The following KIF9 variants were observed in gnomAD, a reference collection of about 807,000 sequenced individuals.
The protein encoded by KIF9 is kinesin family member 9.
Under a neutral mutation model 94.8 loss-of-function variants are expected in KIF9, and 68 were observed. The ratio of observed to expected loss-of-function variants is 0.72; its 90% confidence interval spans 0.59 to 0.88. KIF9 has a LOEUF of 0.88. Ranked by LOEUF, KIF9 falls within the 40% of genes least tolerant of loss-of-function variation. The probability of loss-of-function intolerance (pLI) is 0.00; values close to 1 mark genes in which losing one functional copy is unlikely to be tolerated. For synonymous variants in KIF9, 343 were observed against 362.1 expected (o/e 0.95, Z 0.60); for missense variants, 882 against 982.5 (o/e 0.90, Z 1.37).
intron 10 of KIF9, among the ~76,000 whole-genome samples, chr3:47,256,561 G>A (rs562982540): frequency 6.7e-6 from 1 of 150,332 alleles, no homozygotes; most frequent in East Asian, 2.0e-4. Flanking sequence ...CTGTCCGGGA[G>A]GGGAGGGGCG....
chr3:47,255,713 T>G (rs929294591), intron 10 of KIF9, among the ~76,000 whole-genome samples: 1 of 151,270 alleles, frequency 6.6e-6, no homozygotes, highest in Non-Finnish European at 1.5e-5. Flanking sequence ...TTTAAAAAAT[T>G]TTCTTCGCTC....
Position 47,268,838 on chromosome 3 carries a change from G to A in KIF9, c.592-1575C>T, listed in dbSNP as rs899352444. ...GAGCTCAAGCAATCCTCCTGCCTTA[G>A]CCTCCCAAAGTGCTGGGATTACAGG... On this transcript the variant is annotated intron_variant, in intron 5 of 20. Transcript: ENST00000684063. Among the ~76,000 whole-genome samples the A allele has an allele frequency of 3.3e-5, 5 of 152,132 alleles. No homozygotes were observed. The South Asian group carries it at 1.0e-3, about 32-fold the overall frequency.
chr3:47,246,783 C>T (rs1328684314), intron 12 of KIF9, among the ~76,000 whole-genome samples: 2 of 152,106 alleles, frequency 1.3e-5, no homozygotes, highest in Non-Finnish European at 2.9e-5. Context: ...AAGAGTCCAT[C>T]CCTTAGTTGT....
In KIF9 at chr3:47,266,036, C is replaced by G. The variant is rs1701270839; in HGVS notation, c.769-159G>C. ...TCTTTCAATGTCATGCGATTGTATT[C>G]CATCTTGGGCTAATAATGGTAATAC... is the stretch of plus-strand genomic sequence containing the variant. On this transcript the variant is annotated intron_variant, in intron 7 of 20. Transcript: ENST00000684063. 4.5e-6 allele frequency: 3 copies of G among 664,288 alleles called. No homozygotes were observed. In the Admixed American group the frequency reaches 8.7e-5, roughly 19 times the overall value. The allele number at this position is 664,288 out of a possible 1,614,324, so 41.1% of individuals were successfully genotyped here.
At chr3:47,248,436 T>A (rs1419773778) in intron 10 of KIF9, among the ~76,000 whole-genome samples, 1 of 151,348 alleles carries the variant, frequency 6.6e-6, no homozygotes, top group Non-Finnish European at 1.5e-5. Context: ...GCCTACAGAC[T>A]CCAGAATGCT....
At chr3:47,248,214 A>G (rs1412178814) in intron 10 of KIF9, 128 bp from the exon 11 acceptor site, 6 of 729,850 alleles carry the variant, frequency 8.2e-6, no homozygotes, top group Non-Finnish European at 1.4e-5. Context: ...CTGGATCCAC[A>G]GGGTATGCTT....
intron 19 of KIF9, 124 bp downstream of exon 19, chr3:47,235,910 T>C: frequency 1.4e-6 from 1 of 737,610 alleles, no homozygotes; most frequent in South Asian, 1.6e-5. Context: ...CTGCCTGGGC[T>C]GGCTGTGGAG....
Position 47,243,259 on chromosome 3 carries a change from C to T in KIF9, c.1515-14G>A, listed in dbSNP as rs183989663. 6 of 1,601,352 alleles carry T rather than the reference C, an allele frequency of 3.7e-6. No individual in the cohort carries two copies. Among genetic ancestry groups the T allele is most frequent in the East Asian group, 2.2e-5 (1 of 44,640 alleles). On this transcript the variant is annotated splice_polypyrimidine_tract_variant and intron_variant, in intron 15 of 20. Coordinates refer to ENST00000684063, the MANE Select transcript of KIF9 (RefSeq NM_182902.4). Reference sequence around the variant, plus strand: ...CTTGCCAAGGAGCTGGAAGAAGGCACGGAAGCCCCAGGGTTCAGTCATGGA... The same window carrying T: ...CTTGCCAAGGAGCTGGAAGAAGGCATGGAAGCCCCAGGGTTCAGTCATGGA...
At chr3:47,240,206 C>A (rs1161280097) in intron 17 of KIF9, 2 of 236,320 alleles carry the variant, frequency 8.5e-6, no homozygotes, top group African/African-American at 4.5e-5. Context: ...TGAGCACCCT[C>A]CCCACGTTGG....
chr3:47,262,405 G>A (rs961078079), intron 9 of KIF9, among the ~76,000 whole-genome samples: 2 of 151,936 alleles, frequency 1.3e-5, no homozygotes, highest in African/African-American at 4.8e-5. Flanking sequence ...AAGTAGCTGG[G>A]ATTACAGGCG....
chr3:47,240,018 T>G, intron 17 of KIF9: 1 of 1,079,740 alleles, frequency 9.3e-7, no homozygotes, highest in Non-Finnish European at 1.3e-6. Context: ...ATGCAGGTCC[T>G]GGGCCCTGCT....
At position 47,253,865 on chromosome 3, in the gene KIF9, A is replaced by G. The variant is rs567444935; in HGVS notation, c.1059+3618T>C. Among the ~76,000 whole-genome samples the G allele has an allele frequency of 2.6e-5, 4 of 152,368 alleles. No individual in the cohort carries two copies. The East Asian group carries it at 7.7e-4, about 29-fold the overall frequency. The stretch of plus-strand genomic sequence containing the variant: ...GAGTCACTATTTAATCCTTATTACA[A>G]TAAGTCTATAAAGAGACTTATAGAC... On this transcript the variant is annotated intron_variant, in intron 10 of 20. Coordinates refer to ENST00000684063, the MANE Select transcript of KIF9 (RefSeq NM_182902.4).
intron 18 of KIF9, 37 bp from the exon 19 acceptor site, chr3:47,236,186 G>A (rs549743218): frequency 3.0e-5 from 43 of 1,452,792 alleles, no homozygotes; most frequent in African/African-American, 1.3e-4. Context: ...TGAGGAAGCC[G>A]GTAAGGGCTG....
At chr3:47,231,358 TG>T (rs1698562237) in intron 20 of KIF9, among the ~76,000 whole-genome samples, 1 of 149,164 alleles carries the variant, frequency 6.7e-6, no homozygotes, top group Non-Finnish European at 1.5e-5. Context: ...GGACATCATC[TG>T]GGAGTTTATT....
At chr3:47,278,140 T>C (rs183008929) in intron 1 of KIF9, among the ~76,000 whole-genome samples, 170 of 152,172 alleles carry the variant, frequency 1.1e-3, no homozygotes, top group African/African-American at 3.7e-3. Flanking sequence ...GGTGCTATCA[T>C]GGCTCAATGC....
In KIF9 at chr3:47,241,635, A is replaced by AT. The variant is rs1182796328; in HGVS notation, c.1710-621dup. 2.9e-5 allele frequency among the ~76,000 whole-genome samples: 4 copies of AT among 137,028 alleles called. No homozygotes were observed. In the East Asian group the frequency reaches 8.6e-4, roughly 30 times the overall value. The allele number at this position is 137,028 out of a possible 152,430, so 89.9% of individuals were successfully genotyped here. A position where few individuals can be genotyped will look rare whatever the true frequency, so the allele number is the denominator to read the frequency against. On this transcript the variant is annotated intron_variant, in intron 16 of 20. Coordinates refer to ENST00000684063, the MANE Select transcript of KIF9 (RefSeq NM_182902.4). Reference sequence around the variant, plus strand: ...CTGTGCCTGGCCCTGGATTTCATATATGTGTGTGTGTGTGTATATATATAT... The same window carrying AT: ...CTGTGCCTGGCCCTGGATTTCATATATTGTGTGTGTGTGTGTATATATATAT...
chr3:47,277,330 G>A lies in KIF9; in HGVS notation c.45C>T (p.Pro15=), dbSNP rs1559472311. 1.2e-6 allele frequency: 2 copies of A among 1,613,874 alleles called. No individual in the cohort carries two copies. Among genetic ancestry groups the A allele is most frequent in the African/African-American group, 1.3e-5 (1 of 74,896 alleles). The change falls in exon 2 of 21, where the codon CCC becomes CCT. Residue 15 remains proline, a synonymous_variant. Coordinates refer to ENST00000684063, the MANE Select transcript of KIF9 (RefSeq NM_182902.4). ...KKVHAFVRVK[P]TDDFAHEMIR... ...TCATTTCATGAGCAAAGTCATCGGT[G>A]GGTTTGACACGGACAAATGCATGAA... is the stretch of plus-strand genomic sequence containing the variant.
At chr3:47,265,556 G>A (rs1701238048) in intron 8 of KIF9, among the ~76,000 whole-genome samples, 174 bp downstream of exon 8, 1 of 152,172 alleles carries the variant, frequency 6.6e-6, no homozygotes, top group South Asian at 2.1e-4. Flanking sequence ...TGTGTTCTGG[G>A]CACAGTGCTT....
chr3:47,271,182 G>C, intron 5 of KIF9, 55 bp downstream of exon 5: 1 of 1,226,804 alleles, frequency 8.2e-7, no homozygotes, highest in Non-Finnish European at 1.2e-6. Context: ...AAGCTGAGAA[G>C]GAGGGTGGCA....
Sources: gnomAD v4.1 joint callset for allele counts (sites outside exome capture counted in the v4.1 genomes callset) on GRCh38, gnomAD v4.1.1 for gene constraint, MANE v1.5 for transcripts, NCBI Gene and HGNC (gene_info 2026-07-23, HGNC 2026-07-21) for gene names.